Variants in TRIQK observed in about 807,000 individuals in gnomAD.
TRIQK encodes the protein triple QxxK/R motif containing, also known as triple QxxK/R motif-containing protein.
A neutral mutation model predicts 10.8 loss-of-function variants in TRIQK; 10 were observed. The observed-to-expected ratio is 0.92, with a 90% confidence interval of 0.57 to 1.57. TRIQK has a LOEUF of 1.57. TRIQK is among the 40% of genes most tolerant of loss of function. The pLI is 0.00. For synonymous variants in TRIQK, 33 were observed against 33.7 expected, an observed-to-expected ratio of 0.98 and a Z score of 0.07; for missense variants, 107 against 97.7, an observed-to-expected ratio of 1.09 and a Z score of -0.40.
intron 1 of TRIQK, among the ~76,000 whole-genome samples, chr8:93,006,614 G>A (rs575559643): frequency 4.5e-4 from 68 of 152,284 alleles, no homozygotes; most frequent in African/African-American, 1.6e-3. Context: ...AGCTCCCGGC[G>A]GGGAGGGGCA....
chr8:92,942,821 A>G (rs779264524), intron 2 of TRIQK, among the ~76,000 whole-genome samples: 4 of 152,094 alleles, frequency 2.6e-5, no homozygotes, highest in Non-Finnish European at 5.9e-5. Flanking sequence ...CAGCCTCTCA[A>G]GTAGCTGGGA....
intron 2 of TRIQK, 106 bp downstream of exon 2, chr8:92,954,300 G>C (rs543463800): frequency 6.6e-6 from 1 of 151,918 alleles, no homozygotes; most frequent in South Asian, 2.1e-4. Flanking sequence ...TTGGAACCCA[G>C]GTTCATTGCC....
At chr8:92,962,939 T>G (rs144607042) in intron 1 of TRIQK, among the ~76,000 whole-genome samples, 80 of 152,342 alleles carry the variant, frequency 5.3e-4, no homozygotes, top group Non-Finnish European at 7.2e-4. Context: ...GGTCTCATTT[T>G]TGCATAAAGC....
intron 1 of TRIQK, among the ~76,000 whole-genome samples, chr8:93,016,010 G>A (rs544106608): frequency 1.3e-5 from 2 of 152,156 alleles, no homozygotes; most frequent in East Asian, 3.9e-4. Flanking sequence ...CTTCAGAACT[G>A]AACTTAATAA....
chr8:92,951,615 G>A (rs956404901), intron 2 of TRIQK, among the ~76,000 whole-genome samples: 2 of 152,186 alleles, frequency 1.3e-5, no homozygotes, highest in Non-Finnish European at 2.9e-5. Flanking sequence ...TTTACCCCCA[G>A]GAGCTCGACT....
At chr8:92,912,650 T>C (rs779852229) in intron 3 of TRIQK, among the ~76,000 whole-genome samples, 1 of 151,674 alleles carries the variant, frequency 6.6e-6, no homozygotes, top group Non-Finnish European at 1.5e-5. Flanking sequence ...TAGCAGACAT[T>C]ACAACTGATG....
intron 3 of TRIQK, among the ~76,000 whole-genome samples, chr8:92,904,408 T>C (rs779892162): frequency 2.6e-5 from 4 of 152,198 alleles, no homozygotes; most frequent in Non-Finnish European, 4.4e-5. Flanking sequence ...TAACTTTGTA[T>C]GTGCAGTCAC....
intron 2 of TRIQK, among the ~76,000 whole-genome samples, chr8:92,920,544 A>AG (rs897378733): frequency 1.7e-4 from 26 of 151,578 alleles, no homozygotes; most frequent in Non-Finnish European, 3.0e-5. Context: ...AGAAAAAAAA[A>AG]AGAGAGAGAG....
chr8:93,012,042 C>A (rs28434746), intron 1 of TRIQK, among the ~76,000 whole-genome samples: 1 of 151,796 alleles, frequency 6.6e-6, no homozygotes, highest in African/African-American at 2.4e-5. Context: ...GTGCATGAAG[C>A]AGATACGTAC....
intron 2 of TRIQK, among the ~76,000 whole-genome samples, chr8:92,949,613 AAGGG>A (rs1226796877): frequency 6.9e-5 from 10 of 145,948 alleles, no homozygotes; most frequent in Admixed American, 2.1e-4. Flanking sequence ...AAGAGAAAGG[AAGGG>A]AGGGAGGGAG....
chr8:93,002,028 G>C (rs1813215730), intron 1 of TRIQK, among the ~76,000 whole-genome samples: 1 of 152,026 alleles, frequency 6.6e-6, no homozygotes, highest in South Asian at 2.1e-4. Context: ...CCTGACCAAG[G>C]AGTCAATGAA....
intron 2 of TRIQK, among the ~76,000 whole-genome samples, chr8:92,917,538 T>G (rs966751970): frequency 6.6e-6 from 1 of 151,978 alleles, no homozygotes; most frequent in Non-Finnish European, 1.5e-5. Flanking sequence ...ACTACTACCA[T>G]TTATTAATAT....
intron 1 of TRIQK, among the ~76,000 whole-genome samples, chr8:92,990,213 A>T (rs1177203557): frequency 6.6e-6 from 1 of 152,234 alleles, no homozygotes; most frequent in Non-Finnish European, 1.5e-5. Flanking sequence ...CTTGTCATAA[A>T]GATTTTCTCA....
intron 2 of TRIQK, chr8:92,941,240 T>C (rs941726474): frequency 6.6e-6 from 1 of 152,088 alleles, no homozygotes; most frequent in Non-Finnish European, 1.5e-5. Context: ...CTAATTTTTG[T>C]ATTTTAGTGG....
At chr8:93,002,838 T>C (rs1008105582) in intron 1 of TRIQK, among the ~76,000 whole-genome samples, 2 of 151,578 alleles carry the variant, frequency 1.3e-5, no homozygotes, top group Admixed American at 1.3e-4. Flanking sequence ...GAGAATCACT[T>C]GAACCCGGAA....
intron 3 of TRIQK, among the ~76,000 whole-genome samples, chr8:92,914,719 T>G (rs761925181): frequency 6.6e-6 from 1 of 152,118 alleles, no homozygotes; most frequent in African/African-American, 2.4e-5. Flanking sequence ...TTAGGATGAC[T>G]ATGTTAAAAA....
intron 3 of TRIQK, among the ~76,000 whole-genome samples, chr8:92,899,025 C>T (rs1235458136): frequency 6.8e-6 from 1 of 147,368 alleles, no homozygotes; most frequent in Admixed American, 6.7e-5. Flanking sequence ...TGGAGTCTCA[C>T]TCTGTCATCA....
chr8:92,976,691 G>A (rs533386999), intron 1 of TRIQK, among the ~76,000 whole-genome samples: 33 of 151,868 alleles, frequency 2.2e-4, no homozygotes, highest in African/African-American at 7.7e-4. Flanking sequence ...TTTTCTATAC[G>A]TTCAATCCCT....
intron 1 of TRIQK, among the ~76,000 whole-genome samples, chr8:93,011,265 G>A (rs985617158): frequency 2.0e-5 from 3 of 151,280 alleles, no homozygotes; most frequent in Middle Eastern, 3.2e-3. Context: ...AGTACTGACT[G>A]TACTAAAATA....
Sources: gnomAD v4.1 joint callset for allele counts (sites outside exome capture counted in the v4.1 genomes callset) on GRCh38, gnomAD v4.1.1 for gene constraint, MANE v1.5 for transcripts, NCBI Gene and HGNC (gene_info 2026-07-23, HGNC 2026-07-21) for gene names.